FMNL3: variants seen among roughly 807,000 people sequenced by gnomAD.
The protein encoded by FMNL3 is formin-like protein 3.
Under a neutral mutation model 119.6 loss-of-function variants are expected in FMNL3, and 57 were observed. That is an observed-to-expected ratio of 0.48 (90% CI 0.39 to 0.59). FMNL3 has a LOEUF of 0.59. Among genes scored for constraint, FMNL3 ranks in the 20% least tolerant of loss-of-function variants. The pLI, the probability that FMNL3 is intolerant of heterozygous loss-of-function variation, is 0.00. For synonymous variants in FMNL3, 491 were observed against 507.3 expected (o/e 0.97, Z 0.43); for missense variants, 1,053 against 1,323.5 (o/e 0.80, Z 3.17).
At chr12:49,651,507 T>G in intron 14 of FMNL3, 57 bp from the exon 15 acceptor site, 1 of 1,302,758 alleles carries the variant, frequency 7.7e-7, no homozygotes, top group South Asian at 2.3e-5. Flanking sequence ...TTCATAGGCT[T>G]CCCTCCCCTC....
intron 9 of FMNL3, among the ~76,000 whole-genome samples, chr12:49,655,259 C>T (rs1426828058): frequency 1.3e-5 from 2 of 152,126 alleles, no homozygotes; most frequent in African/African-American, 4.8e-5. Context: ...TGGTGAAACC[C>T]CATCTCTACT....
chr12:49,687,117 C>T (rs1434138477), intron 1 of FMNL3, among the ~76,000 whole-genome samples: 4 of 140,546 alleles, frequency 2.8e-5, no homozygotes, highest in Non-Finnish European at 6.0e-5. Context: ...TTTTTTGAGA[C>T]GGAGTCTCAT....
At position 49,704,076 on chromosome 12, in the gene FMNL3, G is replaced by A. The variant is rs139423349; in HGVS notation, c.126+2979C>T. ...TTTACTAAGCATATAGTAGATGCCA[G>A]ACTCTGCTAAGTATTTGACTTCCAA... On this transcript the variant is annotated intron_variant, in intron 1 of 25. Transcript: ENST00000335154. Among the ~76,000 whole-genome samples the A allele has an allele frequency of 5.5e-3, 834 of 152,278 alleles. 9 individuals are homozygous for A. Among genetic ancestry groups the A allele is most frequent in the African/African-American group, 0.018 (766 of 41,518 alleles).
chr12:49,653,169 C>G, intron 13 of FMNL3, 57 bp downstream of exon 13: 1 of 1,518,906 alleles, frequency 6.6e-7, no homozygotes, highest in Non-Finnish European at 9.1e-7. Flanking sequence ...AAAGCAGAAC[C>G]CCAAGGCGCT....
intron 1 of FMNL3, among the ~76,000 whole-genome samples, chr12:49,706,524 A>G (rs1461000239): frequency 6.6e-6 from 1 of 151,290 alleles, no homozygotes; most frequent in African/African-American, 2.5e-5. Context: ...CACCCCCTTC[A>G]GGAGCTGCCA....
At position 49,645,514 on chromosome 12, in the gene FMNL3, T is replaced by G. The variant is rs1943144975; in HGVS notation, c.*301A>C. On this transcript the variant is annotated 3_prime_UTR_variant, in exon 26 of 26. Transcript: ENST00000335154. ...TCCCTCTGGGCTCTAGTGGGAGAGA[T>G]CTATGTGCCCTGTTTAGGCTAAGGC... 2 of 367,810 alleles carry G rather than the reference T, an allele frequency of 5.4e-6. No individual in the cohort carries two copies. The highest frequency in any genetic ancestry group is 9.3e-5 in the Admixed American group (2 of 21,490). 22.8% of individuals were successfully genotyped at this position (367,810 alleles called of 1,614,324 possible).
intron 1 of FMNL3, chr12:49,688,455 C>T (rs751897114): frequency 2.2e-6 from 1 of 456,106 alleles, no homozygotes; most frequent in Non-Finnish European, 4.4e-6. Flanking sequence ...CTTTCCTATA[C>T]CTTCTCGGAC....
chr12:49,682,102 A>G lies in FMNL3; in HGVS notation c.127-13548T>C, dbSNP rs1468588197. Among the ~76,000 whole-genome samples, 7 of 144,240 alleles carry G rather than the reference A, an allele frequency of 4.9e-5. No homozygotes were observed. The East Asian group carries it at 1.4e-3, about 29-fold the overall frequency. 94.6% of individuals were successfully genotyped at this position (144,240 alleles called of 152,430 possible). A position where few individuals can be genotyped will look rare whatever the true frequency, so the allele number is the denominator to read the frequency against. ...TTTTTTTTTTTTGAGACAGAGTCTCACTCTGTCGCCCAGGCTGGAGTGCAG... is the reference window on the plus strand; with the variant it reads ...TTTTTTTTTTTTGAGACAGAGTCTCGCTCTGTCGCCCAGGCTGGAGTGCAG... On this transcript the variant is annotated intron_variant, in intron 1 of 25. Transcript: ENST00000335154.
intron 17 of FMNL3, among the ~76,000 whole-genome samples, chr12:49,650,450 C>T (rs1004035417): frequency 1.3e-5 from 2 of 152,220 alleles, no homozygotes; most frequent in African/African-American, 2.4e-5. Flanking sequence ...GGTGGTATCA[C>T]TCAGTGTTAC....
chr12:49,639,362 A>C lies in FMNL3; in HGVS notation c.*6453T>G, dbSNP rs561753080. Reference sequence around the variant, plus strand: ...GGGCTACTTGGTACAAAAGTCCAAGAAGCACTAGATGCTAGGAGCTGGGTT... The same window carrying C: ...GGGCTACTTGGTACAAAAGTCCAAGCAGCACTAGATGCTAGGAGCTGGGTT... On this transcript the variant is annotated 3_prime_UTR_variant, in exon 26 of 26. Transcript: ENST00000335154. 6.6e-6 allele frequency: 1 copy of C among 152,342 alleles called. No individual in the cohort carries two copies. Among genetic ancestry groups the C allele is most frequent in the South Asian group, 2.1e-4 (1 of 4,822 alleles). 9.4% of individuals were successfully genotyped at this position (152,342 alleles called of 1,614,324 possible).
chr12:49,691,052 C>A (rs1565894701), intron 1 of FMNL3, among the ~76,000 whole-genome samples: 1 of 151,888 alleles, frequency 6.6e-6, no homozygotes, highest in Admixed American at 6.6e-5. Flanking sequence ...AAAGCAACAA[C>A]AAAAAAAACT....
At chr12:49,703,987 T>C (rs1289757977) in intron 1 of FMNL3, among the ~76,000 whole-genome samples, 2 of 152,168 alleles carry the variant, frequency 1.3e-5, no homozygotes, top group Non-Finnish European at 2.9e-5. Context: ...AAAACCCCTT[T>C]TTCGGAACAC....
At chr12:49,692,255 G>T (rs1002299209) in intron 1 of FMNL3, among the ~76,000 whole-genome samples, 1 of 151,530 alleles carries the variant, frequency 6.6e-6, no homozygotes, top group African/African-American at 2.4e-5. Flanking sequence ...TGGGAGGACT[G>T]ATTGAGCCTG....
chr12:49,665,789 G>A (rs1943874568), intron 4 of FMNL3, 43 bp downstream of exon 4: 1 of 1,589,200 alleles, frequency 6.3e-7, no homozygotes, highest in Admixed American at 1.7e-5. Flanking sequence ...CCAGCCAGCA[G>A]CCTGGGGCCA....
Position 49,643,537 on chromosome 12 carries a change from C to A in FMNL3, c.*2278G>T. The A allele has an allele frequency of 7.3e-7, 1 of 1,366,046 alleles. No homozygotes were observed. Among genetic ancestry groups the A allele is most frequent in the Non-Finnish European group, 9.9e-7 (1 of 1,011,610 alleles). 84.6% of individuals were successfully genotyped at this position (1,366,046 alleles called of 1,614,324 possible). ...TGGAAGTAGAAAGAACTTCCTCTAC[C>A]TGCCCAAGCAAGAAGCTGGAGAAGG... On this transcript the variant is annotated 3_prime_UTR_variant, in exon 26 of 26. Transcript: ENST00000335154.
At chr12:49,656,766 TA>T in intron 8 of FMNL3, 56 bp downstream of exon 8, 1 of 1,497,168 alleles carries the variant, frequency 6.7e-7, no homozygotes, top group Non-Finnish European at 9.3e-7. Flanking sequence ...ATACATGGAG[TA>T]CAGATCTCCA....
At chr12:49,685,766 A>G (rs557437390) in intron 1 of FMNL3, among the ~76,000 whole-genome samples, 3 of 152,334 alleles carry the variant, frequency 2.0e-5, no homozygotes, top group East Asian at 3.9e-4. Flanking sequence ...AATGGCCTTC[A>G]AATAATATTT....
rs1317543833 is a variant in FMNL3 at position 49,641,168 on chromosome 12, TTG to T, written c.*4645_*4646del. 2 of 152,196 alleles carry T rather than the reference TTG, an allele frequency of 1.3e-5. No individual in the cohort carries two copies. The highest frequency in any genetic ancestry group is 2.9e-5 in the Non-Finnish European group (2 of 68,038). 9.4% of individuals were successfully genotyped at this position (152,196 alleles called of 1,614,324 possible). On this transcript the variant is annotated 3_prime_UTR_variant, in exon 26 of 26. Coordinates refer to ENST00000335154, the MANE Select transcript of FMNL3 (RefSeq NM_175736.5). ...TCTAAGCCTCTGCTTCACTGGAATG[TTG>T]TGAGGCCTAAATGAGAAGCATAGAG...
rs1202981212 is a variant in FMNL3 at position 49,647,660 on chromosome 12, T to G, written c.2778+43A>C. 3.2e-6 allele frequency: 5 copies of G among 1,570,932 alleles called. No individual in the cohort carries two copies. In the South Asian group the frequency reaches 3.3e-5, roughly 10 times the overall value. On this transcript the variant is annotated intron_variant, in intron 23 of 25. Coordinates refer to ENST00000335154, the MANE Select transcript of FMNL3 (RefSeq NM_175736.5). The surrounding 1 kb of genome is among the most constrained non-coding windows in gnomAD (Gnocchi z 4.9). The stretch of plus-strand genomic sequence containing the variant: ...GCCCAGGCTTCTCTCCCCCAGCCAG[T>G]TTTCTCGCAACCAAACTTCTTAAAA...
Sources: gnomAD v4.1 joint callset for allele counts (sites outside exome capture counted in the v4.1 genomes callset) on GRCh38, gnomAD v4.1.1 for gene constraint, Gnocchi (gnomAD v3.1) non-coding constraint, MANE v1.5 for transcripts, NCBI Gene and HGNC (gene_info 2026-07-23, HGNC 2026-07-21) for gene names.